KCNB2: variants seen among roughly 807,000 people sequenced by gnomAD.
KCNB2 encodes potassium voltage-gated channel subfamily B member 2, also known as delayed rectifier potassium channel protein.
KCNB2 carries 15 observed loss-of-function variants against 61.5 expected under a neutral mutation model. That is an observed-to-expected ratio of 0.24 (90% CI 0.16 to 0.38). The LOEUF (loss-of-function observed/expected upper bound fraction) is 0.38. KCNB2 is among the 10% of genes least tolerant of loss of function. KCNB2 has a pLI of 1.00. For missense variants in KCNB2, 828 were observed against 1,125.2 expected (o/e 0.74, Z 3.78); for synonymous variants, 457 against 446.0 (o/e 1.02, Z -0.31).
At chr8:72,560,692 C>G (rs1454356777) in intron 1 of KCNB2, among the ~76,000 whole-genome samples, 2 of 152,154 alleles carry the variant, frequency 1.3e-5, no homozygotes, top group Non-Finnish European at 2.9e-5. Context: ...AAATTTGAGC[C>G]CTTTTCTGTG....
chr8:72,638,301 A>G (rs770430911), intron 2 of KCNB2, among the ~76,000 whole-genome samples: 29 of 152,072 alleles, frequency 1.9e-4, no homozygotes, highest in Non-Finnish European at 2.8e-4. Context: ...TGAGCACTCT[A>G]AAGTTTTCCC....
intron 2 of KCNB2, among the ~76,000 whole-genome samples, chr8:72,700,153 C>T (rs1440671578): frequency 6.6e-6 from 1 of 152,014 alleles, no homozygotes; most frequent in East Asian, 1.9e-4. Context: ...AATGAGAACA[C>T]ATGGGCACAG....
intron 2 of KCNB2, among the ~76,000 whole-genome samples, chr8:72,620,493 T>G (rs1805698509): frequency 6.6e-6 from 1 of 152,240 alleles, no homozygotes; most frequent in South Asian, 2.1e-4. Context: ...GACATTTCAG[T>G]GCCCTCTGAA....
At chr8:72,827,279 G>C (rs982178334) in intron 2 of KCNB2, among the ~76,000 whole-genome samples, 1 of 152,078 alleles carries the variant, frequency 6.6e-6, no homozygotes, top group Non-Finnish European at 1.5e-5. Flanking sequence ...AAGTCAATAT[G>C]ACATTGAGAT....
At chr8:72,851,386 CT>C (rs1483462556) in intron 2 of KCNB2, among the ~76,000 whole-genome samples, 2 of 152,168 alleles carry the variant, frequency 1.3e-5, no homozygotes, top group African/African-American at 4.8e-5. Flanking sequence ...CTATTTAGCA[CT>C]GTATTACATT....
chr8:72,666,549 G>A (rs1219093132), intron 2 of KCNB2, among the ~76,000 whole-genome samples: 1 of 152,118 alleles, frequency 6.6e-6, no homozygotes, highest in Non-Finnish European at 1.5e-5. Flanking sequence ...CTAAATGAAA[G>A]GTTTAGGAAG....
At chr8:72,920,014 G>C (rs1806478006) in intron 2 of KCNB2, among the ~76,000 whole-genome samples, 1 of 152,038 alleles carries the variant, frequency 6.6e-6, no homozygotes, top group South Asian at 2.1e-4. Context: ...CTCGTAGCCA[G>C]ATGAGCAATA....
At chr8:72,933,862 TG>T (rs1806842361) in intron 2 of KCNB2, among the ~76,000 whole-genome samples, 1 of 152,230 alleles carries the variant, frequency 6.6e-6, no homozygotes, top group Non-Finnish European at 1.5e-5. Context: ...TGTGATACAC[TG>T]ATCCATATTT....
intron 2 of KCNB2, among the ~76,000 whole-genome samples, chr8:72,929,063 G>A (rs566193641): frequency 4.6e-5 from 7 of 152,188 alleles, no homozygotes; most frequent in Non-Finnish European, 8.8e-5. Flanking sequence ...GATCCAGTAT[G>A]AGCCTTAATA....
chr8:72,686,687 G>T (rs1806858988), intron 2 of KCNB2, among the ~76,000 whole-genome samples: 1 of 152,108 alleles, frequency 6.6e-6, no homozygotes, highest in Non-Finnish European at 1.5e-5. Context: ...CTCAGAAATT[G>T]TTTCTTGTCA....
intron 2 of KCNB2, among the ~76,000 whole-genome samples, chr8:72,849,997 C>A (rs1475082663): frequency 1.3e-5 from 2 of 152,136 alleles, no homozygotes; most frequent in East Asian, 3.9e-4. Context: ...CATATCTAGT[C>A]TGTCTTTGTA....
intron 2 of KCNB2, among the ~76,000 whole-genome samples, chr8:72,705,051 GCTGA>G (rs1807198222): frequency 1.3e-5 from 2 of 152,232 alleles, no homozygotes; most frequent in East Asian, 3.9e-4. Flanking sequence ...GGTACAGAGG[GCTGA>G]CTGTATGAAG....
At position 72,607,506 on chromosome 8, in the gene KCNB2, G is replaced by A. The variant is rs76150335; in HGVS notation, c.579+39193G>A. On this transcript the variant is annotated intron_variant, in intron 2 of 2. Coordinates refer to ENST00000523207, the MANE Select transcript of KCNB2 (RefSeq NM_004770.3). ...CTCATTCTTTACTTTGCATTTCCAGGCTGGCATGTCCTGGCAAATGCAAAT... is the reference window on the plus strand; with the variant it reads ...CTCATTCTTTACTTTGCATTTCCAGACTGGCATGTCCTGGCAAATGCAAAT... Among the ~76,000 whole-genome samples, 196 of 152,266 alleles carry A rather than the reference G, an allele frequency of 1.3e-3. 3 individuals are homozygous for A. The East Asian group carries it at 0.033, about 25-fold the overall frequency.
rs1416395695 is a variant in KCNB2, at chr8:72,735,350, T to C, written c.579+167037T>C. Among the ~76,000 whole-genome samples, 3 of 152,150 alleles carry C rather than the reference T, an allele frequency of 2.0e-5. No homozygotes were observed. The East Asian group carries it at 5.8e-4, about 29-fold the overall frequency. ...CACATCATTTCCCAGAAAGACATTATTTTGCTCATAAAAGTCATTGTGTAT... is the reference window on the plus strand; with the variant it reads ...CACATCATTTCCCAGAAAGACATTACTTTGCTCATAAAAGTCATTGTGTAT... On this transcript the variant is annotated intron_variant, in intron 2 of 2. Transcript: ENST00000523207.
At chr8:72,908,779 T>A (rs1468652369) in intron 2 of KCNB2, among the ~76,000 whole-genome samples, 1 of 152,118 alleles carries the variant, frequency 6.6e-6, no homozygotes, top group Non-Finnish European at 1.5e-5. Context: ...GGAAGAGTAA[T>A]CAGCATTGCA....
At chr8:72,743,989 A>G (rs1194104107) in intron 2 of KCNB2, among the ~76,000 whole-genome samples, 2 of 152,094 alleles carry the variant, frequency 1.3e-5, no homozygotes, top group Non-Finnish European at 2.9e-5. Context: ...TCTTTATCAG[A>G]TTTTGTATTC....
At chr8:72,685,161 T>TG (rs1270435104) in intron 2 of KCNB2, among the ~76,000 whole-genome samples, 2 of 152,166 alleles carry the variant, frequency 1.3e-5, no homozygotes, top group Admixed American at 6.5e-5. Flanking sequence ...AAGCCAACTG[T>TG]GGCAGGCCAT....
chr8:72,642,536 G>T (rs1203778155), intron 2 of KCNB2, among the ~76,000 whole-genome samples: 1 of 152,034 alleles, frequency 6.6e-6, no homozygotes, highest in African/African-American at 2.4e-5. Context: ...ACATGACTGG[G>T]TTCATAACCT....
intron 2 of KCNB2, among the ~76,000 whole-genome samples, chr8:72,613,366 C>T (rs1805569355): frequency 6.6e-6 from 1 of 152,122 alleles, no homozygotes; most frequent in Non-Finnish European, 1.5e-5. Flanking sequence ...AATTTATATT[C>T]CTCAAAAAAT....
Sources: allele counts gnomAD v4.1 joint callset (sites outside exome capture counted in the v4.1 genomes callset), GRCh38; gene constraint gnomAD v4.1.1; transcripts MANE v1.5; gene names NCBI Gene and HGNC (gene_info 2026-07-23, HGNC 2026-07-21).